The following ASTN2 variants were observed in gnomAD, a reference collection of about 807,000 sequenced individuals.
The protein encoded by ASTN2 is astrotactin 2.
In ASTN2, 54 loss-of-function variants were observed where a neutral mutation model predicts 139.8. That is an observed-to-expected ratio of 0.39 (90% CI 0.31 to 0.48). The LOEUF (loss-of-function observed/expected upper bound fraction) is 0.48. Ranked by LOEUF, ASTN2 falls within the 20% of genes least tolerant of loss-of-function variation. The pLI is 0.95. For missense variants in ASTN2, 1,565 were observed against 1,725.1 expected (o/e 0.91, Z 1.64); for synonymous variants, 756 against 719.5 (o/e 1.05, Z -0.81).
intron 1 of ASTN2, among the ~76,000 whole-genome samples, chr9:117,372,135 C>A (rs1184799232): frequency 6.6e-6 from 1 of 152,058 alleles, no homozygotes; most frequent in African/African-American, 2.4e-5. Context: ...GTAAGAGGCC[C>A]GACTGCAGTC....
At chr9:116,572,209 C>G (rs1853547645) in intron 19 of ASTN2, among the ~76,000 whole-genome samples, 1 of 152,196 alleles carries the variant, frequency 6.6e-6, no homozygotes, top group Non-Finnish European at 1.5e-5. Flanking sequence ...CCTTCTCCTC[C>G]CCAGGCTGTG....
chr9:116,998,742 C>T (rs536877369), intron 7 of ASTN2, among the ~76,000 whole-genome samples: 2 of 152,248 alleles, frequency 1.3e-5, no homozygotes, highest in South Asian at 4.1e-4. Flanking sequence ...AAAGTTGGTT[C>T]TCTATAAACA....
At chr9:116,575,962 T>A (rs1404831564) in intron 19 of ASTN2, among the ~76,000 whole-genome samples, 1 of 152,110 alleles carries the variant, frequency 6.6e-6, no homozygotes, top group Non-Finnish European at 1.5e-5. Context: ...AGGAAGCTCA[T>A]GAGTGGCCCT....
At chr9:116,586,546 A>C (rs1444495085) in intron 19 of ASTN2, among the ~76,000 whole-genome samples, 1 of 152,202 alleles carries the variant, frequency 6.6e-6, no homozygotes, top group Admixed American at 6.5e-5. Flanking sequence ...CAGGAACAGG[A>C]AACTAAATAT....
At chr9:116,644,933 A>G (rs560356951) in intron 17 of ASTN2, among the ~76,000 whole-genome samples, 6 of 152,332 alleles carry the variant, frequency 3.9e-5, no homozygotes, top group African/African-American at 1.4e-4. Context: ...AGATAAAGAA[A>G]TGGAGACCTA....
rs79403104 is a variant in ASTN2 at position 117,386,329 on chromosome 9, A to T, written c.442+28168T>A. 4.6e-3 allele frequency among the ~76,000 whole-genome samples: 706 copies of T among 152,298 alleles called. 3 individuals are homozygous for T. The highest frequency in any genetic ancestry group is 0.011 in the South Asian group (52 of 4,824). ...AAATGCACCGCTATTCGCAGTTAAC[A>T]TGGAGCAGCTGACAGCCTCCAGGTT... is the stretch of plus-strand genomic sequence containing the variant. On this transcript the variant is annotated intron_variant, in intron 1 of 22. Transcript: ENST00000313400.
At chr9:116,962,895 A>G (rs1253531000) in intron 10 of ASTN2, among the ~76,000 whole-genome samples, 1 of 152,192 alleles carries the variant, frequency 6.6e-6, no homozygotes, top group African/African-American at 2.4e-5. Context: ...GCAATTTAGT[A>G]GTAATATCAA....
intron 1 of ASTN2, among the ~76,000 whole-genome samples, chr9:117,293,244 C>T (rs946381041): frequency 6.6e-6 from 1 of 152,124 alleles, no homozygotes; most frequent in South Asian, 2.1e-4. Context: ...TGGGACAAGG[C>T]GTCATGCTGT....
intron 19 of ASTN2, among the ~76,000 whole-genome samples, chr9:116,493,620 T>G (rs1271538648): frequency 1.3e-5 from 2 of 151,866 alleles, no homozygotes; most frequent in Non-Finnish European, 2.9e-5. Context: ...CTCCCTCTCC[T>G]TTCAGCAGTC....
intron 1 of ASTN2, among the ~76,000 whole-genome samples, chr9:117,347,428 G>A (rs1021795769): frequency 6.6e-6 from 1 of 151,908 alleles, no homozygotes; most frequent in Admixed American, 6.6e-5. Context: ...GCTAGACACT[G>A]CATGCTAGAT....
At chr9:117,060,412 A>G (rs1237623632) in intron 5 of ASTN2, among the ~76,000 whole-genome samples, 2 of 35,106 alleles carry the variant, frequency 5.7e-5, no homozygotes, top group Middle Eastern at 0.012. Flanking sequence ...GAAAGAAAGA[A>G]GGAAAGGAAG....
At chr9:117,054,406 A>G (rs540246480) in intron 5 of ASTN2, among the ~76,000 whole-genome samples, 1 of 152,286 alleles carries the variant, frequency 6.6e-6, no homozygotes, top group South Asian at 2.1e-4. Context: ...CCATTCATTC[A>G]ACAAATATAT....
At chr9:116,763,831 C>G (rs117612132) in intron 13 of ASTN2, among the ~76,000 whole-genome samples, 2,301 of 152,230 alleles carry the variant, frequency 0.015, 33 homozygotes, top group Middle Eastern at 0.031. Flanking sequence ...TTTCTTTTTT[C>G]TGCAACATGC....
chr9:117,002,201 G>A lies in ASTN2; in HGVS notation c.1591+5891C>T, dbSNP rs148291507. 7.6e-4 allele frequency among the ~76,000 whole-genome samples: 116 copies of A among 152,286 alleles called. 1 individual carries two copies. The highest frequency in any genetic ancestry group is 2.7e-3 in the African/African-American group (111 of 41,560). On this transcript the variant is annotated intron_variant, in intron 7 of 22. Coordinates refer to ENST00000313400, the MANE Select transcript of ASTN2 (RefSeq NM_001365068.1). ...GCCCTAAGGAGTTGACTTTCTAGCA[G>A]GGGAGATAAACTTTCAAACAGTAAC... is the stretch of plus-strand genomic sequence containing the variant.
intron 10 of ASTN2, among the ~76,000 whole-genome samples, chr9:116,911,860 T>C (rs1214480149): frequency 6.6e-6 from 1 of 152,028 alleles, no homozygotes; most frequent in East Asian, 1.9e-4. Context: ...GCCACTGCAC[T>C]CCAGCCTGGG....
chr9:117,280,308 G>C (rs1164715625), intron 2 of ASTN2, among the ~76,000 whole-genome samples: 1 of 152,184 alleles, frequency 6.6e-6, no homozygotes, highest in Non-Finnish European at 1.5e-5. Context: ...TTAAGGTGGT[G>C]TGGTCAGTTG....
At chr9:117,368,023 A>C (rs1053137741) in intron 1 of ASTN2, among the ~76,000 whole-genome samples, 3 of 152,122 alleles carry the variant, frequency 2.0e-5, no homozygotes, top group African/African-American at 4.8e-5. Flanking sequence ...ATAGAATGCC[A>C]ATCCCAGGTC....
chr9:117,189,938 G>A (rs1408839693), intron 3 of ASTN2, among the ~76,000 whole-genome samples: 2 of 152,106 alleles, frequency 1.3e-5, no homozygotes, highest in Non-Finnish European at 2.9e-5. Flanking sequence ...AAGGCCTCCC[G>A]CTCTTGCTAC....
intron 13 of ASTN2, among the ~76,000 whole-genome samples, chr9:116,784,929 CAAAAA>C (rs58241855): frequency 1.9e-5 from 2 of 104,134 alleles, no homozygotes; most frequent in Non-Finnish European, 3.8e-5. Flanking sequence ...AACTCCGCCT[CAAAAA>C]AAAAAAAAAA....
Sources: gnomAD v4.1 joint callset for allele counts (sites outside exome capture counted in the v4.1 genomes callset) on GRCh38, gnomAD v4.1.1 for gene constraint, MANE v1.5 for transcripts, NCBI Gene and HGNC (gene_info 2026-07-23, HGNC 2026-07-21) for gene names.